Variants in THUMPD2 observed in about 807,000 individuals in gnomAD.
The protein encoded by THUMPD2 is U6 snRNA (guanine-N(2))-methyltransferase THUMPD2.
THUMPD2 carries 56 observed loss-of-function variants against 49.4 expected under a neutral mutation model. The observed-to-expected ratio is 1.13, with a 90% confidence interval of 0.91 to 1.41. The LOEUF (loss-of-function observed/expected upper bound fraction) is 1.41. Among genes scored for constraint, THUMPD2 ranks in the 40% most tolerant of loss-of-function variants. THUMPD2 has a pLI of 0.00. For missense variants in THUMPD2, 709 were observed against 594.5 expected (o/e 1.19, Z -2.00); for synonymous variants, 237 against 205.2 (o/e 1.15, Z -1.32).
chr2:39,744,141 A>G (rs1446703147), intron 9 of THUMPD2, among the ~76,000 whole-genome samples: 2 of 151,756 alleles, frequency 1.3e-5, no homozygotes, highest in Admixed American at 1.3e-4. Context: ...TTCAAATCTC[A>G]GTACATAATA....
chr2:39,771,740 C>T, intron 1 of THUMPD2, 100 bp from the exon 2 acceptor site: 1 of 1,253,772 alleles, frequency 8.0e-7, no homozygotes, highest in Non-Finnish European at 1.1e-6. Flanking sequence ...TAAAAATAAC[C>T]ATTTCTGAAG....
intron 9 of THUMPD2, among the ~76,000 whole-genome samples, chr2:39,737,846 G>C (rs1460683577): frequency 1.3e-5 from 2 of 152,210 alleles, no homozygotes; most frequent in Non-Finnish European, 2.9e-5. Context: ...CAGCAAAGAC[G>C]GGAGGAAGTG....
chr2:39,755,461 G>T, intron 7 of THUMPD2, 52 bp from the exon 8 acceptor site: 1 of 1,239,366 alleles, frequency 8.1e-7, no homozygotes, highest in Non-Finnish European at 1.1e-6. Flanking sequence ...CATATTTCAT[G>T]TAGTTAAGAA....
intron 4 of THUMPD2, among the ~76,000 whole-genome samples, chr2:39,767,600 T>G (rs1483131123): frequency 3.6e-5 from 1 of 28,000 alleles, no homozygotes; most frequent in African/African-American, 1.6e-4. Context: ...CGAGACTCCG[T>G]CTCAAAAAAA....
intron 6 of THUMPD2, chr2:39,757,272 C>T (rs886189522): frequency 1.8e-5 from 13 of 711,316 alleles, no homozygotes; most frequent in South Asian, 2.9e-5. Context: ...CAGTCGTGCT[C>T]GAGATAGGGG....
intron 8 of THUMPD2, among the ~76,000 whole-genome samples, 150 bp downstream of exon 8, chr2:39,755,133 AAATAAAAAGGTT>A (rs150248763): frequency 0.021 from 3,181 of 152,278 alleles, 85 homozygotes; most frequent in East Asian, 0.068. Flanking sequence ...AACACTTTGA[AAATAAAAAGGTT>A]AGACTATTAG....
chr2:39,751,253 T>A (rs1326274864), intron 8 of THUMPD2, among the ~76,000 whole-genome samples: 1 of 152,212 alleles, frequency 6.6e-6, no homozygotes, highest in Non-Finnish European at 1.5e-5. Context: ...CAAACCAGTA[T>A]GAAAGAAAAT....
At chr2:39,757,195 A>C (rs757615091) in intron 6 of THUMPD2, 6 of 388,518 alleles carry the variant, frequency 1.5e-5, no homozygotes, top group Non-Finnish European at 3.1e-5. Context: ...TTCTGGGCAG[A>C]CGGGAGAAAA....
chr2:39,744,156 A>G (rs1358952282), intron 9 of THUMPD2, among the ~76,000 whole-genome samples: 1 of 152,052 alleles, frequency 6.6e-6, no homozygotes, highest in African/African-American at 2.4e-5. Flanking sequence ...ATAATAGAAA[A>G]TTAATATTTT....
At chr2:39,751,739 C>CT (rs1367393363) in intron 8 of THUMPD2, among the ~76,000 whole-genome samples, 14 of 128,192 alleles carry the variant, frequency 1.1e-4, no homozygotes, top group African/African-American at 3.9e-4. Flanking sequence ...GGCTGAAGTG[C>CT]TGTGGCACAA....
chr2:39,753,752 A>C (rs1336193492), intron 8 of THUMPD2, among the ~76,000 whole-genome samples: 1 of 152,214 alleles, frequency 6.6e-6, no homozygotes, highest in Admixed American at 6.5e-5. Context: ...TCTGTCTGCC[A>C]GATGTATATC....
At chr2:39,761,172 G>A (rs1676772974) in intron 6 of THUMPD2, among the ~76,000 whole-genome samples, 159 bp downstream of exon 6, 1 of 152,038 alleles carries the variant, frequency 6.6e-6, no homozygotes, top group Admixed American at 6.6e-5. Flanking sequence ...AAGCATTACT[G>A]CAGCAGTTTG....
At chr2:39,746,969 GTTAAA>G (rs1430617197) in intron 8 of THUMPD2, among the ~76,000 whole-genome samples, 2 of 152,226 alleles carry the variant, frequency 1.3e-5, no homozygotes, top group South Asian at 2.1e-4. Context: ...TAGTTCTACA[GTTAAA>G]TTAATTTCAT....
At chr2:39,766,407 T>C (rs1677526890) in intron 4 of THUMPD2, among the ~76,000 whole-genome samples, 1 of 152,196 alleles carries the variant, frequency 6.6e-6, no homozygotes. Context: ...TTATCATAAG[T>C]GGACCACGCT....
At chr2:39,772,236 T>C (rs1417389563) in intron 1 of THUMPD2, among the ~76,000 whole-genome samples, 1 of 152,128 alleles carries the variant, frequency 6.6e-6, no homozygotes, top group Admixed American at 6.5e-5. Context: ...GTAAGCAACA[T>C]TTGCTTTATT....
chr2:39,744,470 A>T lies in THUMPD2; in HGVS notation c.1087T>A (p.Leu363Met). ...ATAATATCAACACTTTCTGAAGGCA[A>T]TGGCAATTCTGAAATATAGAAATCA... ...LLKISVIELP[L>M]PSESVDIIIS... The change falls in exon 9 of 10, where the codon TTG becomes ATG. Residue 363 changes from leucine (L) to methionine (M), a missense_variant. Leu to Met is a conservative substitution (Grantham distance 15). Transcript: ENST00000505747. 1 of 1,565,272 alleles carries T rather than the reference A, an allele frequency of 6.4e-7. No homozygotes were observed. Among genetic ancestry groups the T allele is most frequent in the East Asian group, 2.4e-5 (1 of 41,864 alleles).
intron 5 of THUMPD2, 36 bp from the exon 6 acceptor site, chr2:39,761,454 C>T (rs555492317): frequency 1.3e-6 from 2 of 1,565,040 alleles, no homozygotes; most frequent in East Asian, 4.5e-5. Flanking sequence ...TATTATTACA[C>T]ATTGAACAAC....
At chr2:39,762,666 A>G (rs1047573532) in intron 5 of THUMPD2, among the ~76,000 whole-genome samples, 11 of 151,496 alleles carry the variant, frequency 7.3e-5, no homozygotes, top group Non-Finnish European at 1.6e-4. Flanking sequence ...TTTTGCTTCT[A>G]CGGGGTAAGC....
chr2:39,755,039 TTTTTC>T (rs1234585260), intron 8 of THUMPD2, among the ~76,000 whole-genome samples: 1 of 151,902 alleles, frequency 6.6e-6, no homozygotes, highest in Non-Finnish European at 1.5e-5. Flanking sequence ...CAACACTTTT[TTTTTC>T]TTTTTTTAAC....
Sources: gnomAD v4.1 joint callset for allele counts (sites outside exome capture counted in the v4.1 genomes callset) on GRCh38, gnomAD v4.1.1 for gene constraint, MANE v1.5 for transcripts, NCBI Gene and HGNC (gene_info 2026-07-23, HGNC 2026-07-21) for gene names.